MEI4: variants seen among roughly 807,000 people sequenced by gnomAD.
The protein encoded by MEI4 is meiotic double-stranded break formation protein 4, also known as meiosis-specific protein MEI4.
MEI4 carries 27 observed loss-of-function variants against 31.4 expected under a neutral mutation model. The ratio of observed to expected loss-of-function variants is 0.86; its 90% CI spans 0.63 to 1.19. MEI4 has a LOEUF of 1.19. MEI4 is among the 50% of genes most tolerant of loss of function. The pLI is 0.00. For synonymous variants in MEI4, 122 were observed against 145.4 expected (o/e 0.84, Z 1.16); for missense variants, 329 against 398.9 (o/e 0.82, Z 1.49).
chr6:77,835,847 G>C lies in MEI4; in HGVS notation c.900+6785G>C, dbSNP rs1770207330. ...TAGTTAAAATGAATAAATTATTTCT[G>C]TATTAACATTCATAGATTTTGAAAA... is the stretch of plus-strand genomic sequence containing the variant. On this transcript the variant is annotated intron_variant, in intron 4 of 4. Transcript: ENST00000684080. Among the ~76,000 whole-genome samples, 4 of 151,872 alleles carry C rather than the reference G, an allele frequency of 2.6e-5. No individual in the cohort carries two copies. The South Asian group carries it at 8.3e-4, about 32-fold the overall frequency.
At chr6:77,908,519 G>A (rs1161390095) in intron 4 of MEI4, among the ~76,000 whole-genome samples, 4 of 151,898 alleles carry the variant, frequency 2.6e-5, no homozygotes, top group Admixed American at 6.6e-5. Context: ...CTCTGTTTTC[G>A]TACCAGTATC....
At chr6:77,703,957 T>G (rs1269805040) in intron 2 of MEI4, among the ~76,000 whole-genome samples, 4 of 151,894 alleles carry the variant, frequency 2.6e-5, no homozygotes, top group Non-Finnish European at 4.4e-5. Flanking sequence ...AGAGTGCAAA[T>G]GGAAGGACAG....
intron 4 of MEI4, among the ~76,000 whole-genome samples, chr6:77,909,309 A>G (rs1766375250): frequency 6.6e-6 from 1 of 152,148 alleles, no homozygotes; most frequent in African/African-American, 2.4e-5. Flanking sequence ...ATAGACCGCT[A>G]GCAAGACTAC....
At chr6:77,811,838 A>G (rs1769581361) in intron 3 of MEI4, among the ~76,000 whole-genome samples, 1 of 152,088 alleles carries the variant, frequency 6.6e-6, no homozygotes, top group South Asian at 2.1e-4. Context: ...AGGACTTACT[A>G]TGTAATGTTT....
chr6:77,835,396 A>G (rs1770191479), intron 4 of MEI4, among the ~76,000 whole-genome samples: 1 of 136,206 alleles, frequency 7.3e-6, no homozygotes, highest in African/African-American at 2.9e-5. Context: ...ACACACACAC[A>G]CACACACAAA....
intron 2 of MEI4, among the ~76,000 whole-genome samples, chr6:77,743,867 G>T (rs1261834786): frequency 6.6e-6 from 1 of 152,236 alleles, no homozygotes; most frequent in Non-Finnish European, 1.5e-5. Context: ...AGGGTGTGCA[G>T]TGGACCTCTA....
At chr6:77,903,381 T>C (rs972860217) in intron 4 of MEI4, among the ~76,000 whole-genome samples, 1 of 152,156 alleles carries the variant, frequency 6.6e-6, no homozygotes, top group Non-Finnish European at 1.5e-5. Context: ...GGCTTTATTT[T>C]AGATGTTTTC....
At chr6:77,863,244 G>C (rs752988854) in intron 4 of MEI4, among the ~76,000 whole-genome samples, 2 of 152,202 alleles carry the variant, frequency 1.3e-5, no homozygotes, top group Non-Finnish European at 2.9e-5. Flanking sequence ...GAATGACTTT[G>C]ATGAGTTTAG....
At chr6:77,699,987 G>A (rs1253235391) in intron 2 of MEI4, among the ~76,000 whole-genome samples, 2 of 152,204 alleles carry the variant, frequency 1.3e-5, no homozygotes, top group Non-Finnish European at 2.9e-5. Flanking sequence ...CCGGCAGTGT[G>A]AGGTGTCAGT....
chr6:77,899,942 A>C (rs1562030655), intron 4 of MEI4, among the ~76,000 whole-genome samples: 1 of 152,006 alleles, frequency 6.6e-6, no homozygotes, highest in Non-Finnish European at 1.5e-5. Flanking sequence ...AAAAAAAAAA[A>C]CAGGAAATCC....
chr6:77,685,923 A>T (rs144732007), intron 1 of MEI4, among the ~76,000 whole-genome samples: 379 of 152,288 alleles, frequency 2.5e-3, no homozygotes, highest in Non-Finnish European at 3.9e-3. Context: ...TCATGTTGGA[A>T]TGTGATCTTC....
At chr6:77,785,661 T>C (rs1171995047) in intron 3 of MEI4, among the ~76,000 whole-genome samples, 1 of 152,202 alleles carries the variant, frequency 6.6e-6, no homozygotes, top group Non-Finnish European at 1.5e-5. Flanking sequence ...GGGTTATTTT[T>C]GTGAGAAGGT....
intron 4 of MEI4, among the ~76,000 whole-genome samples, chr6:77,859,524 A>G (rs920842761): frequency 8.5e-5 from 13 of 152,086 alleles, no homozygotes; most frequent in African/African-American, 3.1e-4. Flanking sequence ...CCTTGCCAAT[A>G]TCTATTGTTT....
chr6:77,839,000 AATACGTTTCTC>A (rs2127714044), intron 4 of MEI4, among the ~76,000 whole-genome samples: 1 of 152,232 alleles, frequency 6.6e-6, no homozygotes, highest in African/African-American at 2.4e-5. Flanking sequence ...AAAACTGCGG[AATACGTTTCTC>A]ATTTTTTCCT....
chr6:77,738,611 A>G (rs1371324627), intron 2 of MEI4, among the ~76,000 whole-genome samples: 1 of 147,266 alleles, frequency 6.8e-6, no homozygotes, highest in Non-Finnish European at 1.5e-5. Flanking sequence ...TATATTCAGT[A>G]ATGGGATTTC....
rs1206448879 is a variant in MEI4, at chr6:77,923,347, C to T, written c.*1C>T. 11 of 1,229,398 alleles carry T rather than the reference C, an allele frequency of 8.9e-6. No homozygotes were observed. The East Asian group carries it at 2.5e-4, about 28-fold the overall frequency. 76.2% of individuals were successfully genotyped at this position (1,229,398 alleles called of 1,614,324 possible). A position where few individuals can be genotyped will look rare whatever the true frequency, so the allele number is the denominator to read the frequency against. On this transcript the variant is annotated 3_prime_UTR_variant, in exon 5 of 5. Coordinates refer to ENST00000684080, the MANE Select transcript of MEI4 (RefSeq NM_001322247.2). ...ACAGATAGAAACTCTTAGAAAATAA[C>T]TCCATTCCTTAGCAATTTACCACGT...
chr6:77,702,228 C>T (rs756516158), intron 2 of MEI4, among the ~76,000 whole-genome samples: 8 of 152,112 alleles, frequency 5.3e-5, no homozygotes, highest in East Asian at 3.9e-4. Flanking sequence ...CTGTTCCAGA[C>T]GACGTACTGA....
At chr6:77,869,336 C>T (rs1771139529) in intron 4 of MEI4, among the ~76,000 whole-genome samples, 1 of 151,966 alleles carries the variant, frequency 6.6e-6, no homozygotes, top group African/African-American at 2.4e-5. Context: ...AGCCCTAATC[C>T]CCAATACTAT....
chr6:77,783,774 CAAATA>C (rs1463847910), intron 3 of MEI4, among the ~76,000 whole-genome samples: 1 of 151,988 alleles, frequency 6.6e-6, no homozygotes, highest in African/African-American at 2.4e-5. Flanking sequence ...TTCATGATTT[CAAATA>C]AAATCAAATC....
Sources: allele counts gnomAD v4.1 joint callset (sites outside exome capture counted in the v4.1 genomes callset), GRCh38; gene constraint gnomAD v4.1.1; transcripts MANE v1.5; gene names NCBI Gene and HGNC (gene_info 2026-07-23, HGNC 2026-07-21).